The following PRKRIP1 variants were observed in gnomAD, a reference collection of about 807,000 sequenced individuals.
The protein encoded by PRKRIP1 is PRKR interacting protein 1, also known as PRKR-interacting protein 1.
A neutral mutation model predicts 29.3 loss-of-function variants in PRKRIP1; 29 were observed. The observed-to-expected ratio is 0.99, with a 90% CI of 0.74 to 1.35. PRKRIP1 has a LOEUF of 1.35. Among genes scored for constraint, PRKRIP1 ranks in the 40% most tolerant of loss-of-function variants. PRKRIP1 has a pLI of 0.00. For missense variants in PRKRIP1, 247 were observed against 236.8 expected (o/e 1.04, Z -0.28); for synonymous variants, 90 against 85.1 (o/e 1.06, Z -0.32).
At chr7:102,403,606 C>T (rs1796129894) in intron 3 of PRKRIP1, among the ~76,000 whole-genome samples, 1 of 152,192 alleles carries the variant, frequency 6.6e-6, no homozygotes, top group Non-Finnish European at 1.5e-5. Flanking sequence ...AAGTGATTCT[C>T]CTGTCTCAGC....
In PRKRIP1 at chr7:102,425,653, T is replaced by G. The variant is rs1175554587; in HGVS notation, c.*542T>G. On this transcript the variant is annotated 3_prime_UTR_variant, in exon 6 of 6. Coordinates refer to ENST00000397912, the MANE Select transcript of PRKRIP1 (RefSeq NM_024653.4). ...CACGCCATAGAGGGTCTGCTCCCAC[T>G]GCAGCTCCCGGTGCTCTCGTGTTCT... is the stretch of plus-strand genomic sequence containing the variant. 1 of 201,084 alleles carries G rather than the reference T, an allele frequency of 5.0e-6. No individual in the cohort carries two copies. Among genetic ancestry groups the G allele is most frequent in the East Asian group, 1.9e-4 (1 of 5,398 alleles). The allele number at this position is 201,084 out of a possible 1,614,324, so 12.5% of individuals were successfully genotyped here.
chr7:102,411,275 T>C (rs1796374627), intron 5 of PRKRIP1, among the ~76,000 whole-genome samples: 1 of 152,308 alleles, frequency 6.6e-6, no homozygotes, highest in South Asian at 2.1e-4. Context: ...TGTTTTGAAC[T>C]CTTAAGCTCA....
At chr7:102,399,754 T>A in intron 3 of PRKRIP1, 106 bp downstream of exon 3, 1 of 848,686 alleles carries the variant, frequency 1.2e-6, no homozygotes, top group Non-Finnish European at 1.9e-6. Flanking sequence ...CTCAGGCCTG[T>A]AATCCCAGCA....
intron 2 of PRKRIP1, among the ~76,000 whole-genome samples, chr7:102,398,216 T>C (rs1031307602): frequency 6.6e-6 from 1 of 152,198 alleles, no homozygotes; most frequent in Non-Finnish European, 1.5e-5. Context: ...TTAAGGGCTA[T>C]AGTTGCTTAT....
At chr7:102,397,168 G>A (rs765069451) in intron 1 of PRKRIP1, among the ~76,000 whole-genome samples, 6 of 152,128 alleles carry the variant, frequency 3.9e-5, no homozygotes, top group Non-Finnish European at 7.3e-5. Context: ...CCACGACAGA[G>A]GGAAGAACAC....
intron 5 of PRKRIP1, chr7:102,423,317 T>C (rs1448191138): frequency 3.1e-5 from 12 of 384,214 alleles, no homozygotes; most frequent in African/African-American, 1.9e-4. Flanking sequence ...GTTTCCCCCA[T>C]GTTGGTCAGG....
rs567585990 is a variant in PRKRIP1 at position 102,409,277 on chromosome 7, C to G, written c.457+1779C>G. On this transcript the variant is annotated intron_variant, in intron 5 of 5. Transcript: ENST00000397912. ...CATCGGATATGGTTTTAGGTTGTTT[C>G]TCACCCTTTCCTAGAAGAAATTATT... Among the ~76,000 whole-genome samples, 17 of 152,314 alleles carry G rather than the reference C, an allele frequency of 1.1e-4. No homozygotes were observed. The South Asian group carries it at 3.5e-3, about 32-fold the overall frequency.
chr7:102,405,184 C>G (rs1005391370), intron 4 of PRKRIP1, among the ~76,000 whole-genome samples: 1 of 152,174 alleles, frequency 6.6e-6, no homozygotes, highest in Admixed American at 6.5e-5. Flanking sequence ...GCTTCGGCCT[C>G]CCAAAGTGCT....
chr7:102,405,877 A>G (rs781964993), intron 4 of PRKRIP1: 8 of 303,208 alleles, frequency 2.6e-5, no homozygotes, highest in South Asian at 1.7e-4. Context: ...GTTTATTTCT[A>G]TAACGTAAAA....
At chr7:102,402,158 T>A (rs1225364384) in intron 3 of PRKRIP1, among the ~76,000 whole-genome samples, 1 of 152,102 alleles carries the variant, frequency 6.6e-6, no homozygotes, top group Non-Finnish European at 1.5e-5. Flanking sequence ...ATAGAAACCA[T>A]CAAGCTGGGT....
intron 2 of PRKRIP1, 107 bp downstream of exon 2, chr7:102,397,805 G>C: frequency 1.0e-6 from 1 of 992,352 alleles, no homozygotes; most frequent in Non-Finnish European, 1.5e-6. Context: ...CAGCACTTTG[G>C]GAGGCCGAGG....
Position 102,425,180 on chromosome 7 carries a change from G to A in PRKRIP1, c.*69G>A. The A allele has an allele frequency of 6.4e-7, 1 of 1,551,694 alleles. No homozygotes were observed. ...GACCAGAAGGGAAAGGCGGCTGTTT[G>A]GCTCTTTCTCCCCCGCAAGGACCCG... On this transcript the variant is annotated 3_prime_UTR_variant, in exon 6 of 6. Transcript: ENST00000397912.
chr7:102,422,298 C>T (rs1428779121), intron 5 of PRKRIP1, among the ~76,000 whole-genome samples: 1 of 151,532 alleles, frequency 6.6e-6, no homozygotes, highest in Non-Finnish European at 1.5e-5. Flanking sequence ...CTTCAGCCTC[C>T]CAATTAGCTG....
intron 2 of PRKRIP1, 123 bp from the exon 3 acceptor site, chr7:102,399,425 G>A (rs1322326167): frequency 2.8e-6 from 2 of 725,978 alleles, no homozygotes; most frequent in East Asian, 5.0e-5. Flanking sequence ...ATACAGTGGG[G>A]AGAAAGGAAG....
chr7:102,411,727 A>G (rs971567943), intron 5 of PRKRIP1, among the ~76,000 whole-genome samples: 20 of 151,216 alleles, frequency 1.3e-4, no homozygotes, highest in African/African-American at 4.9e-4. Context: ...ATACTTTTCC[A>G]TAGTAACTGA....
chr7:102,417,008 A>G (rs1340536328), intron 5 of PRKRIP1, among the ~76,000 whole-genome samples: 1 of 151,902 alleles, frequency 6.6e-6, no homozygotes, highest in East Asian at 1.9e-4. Context: ...GGCACCCACC[A>G]CCACTCCCGG....
rs1796802917 is a variant in PRKRIP1 at position 102,425,235 on chromosome 7, C to T, written c.*124C>T. The T allele has an allele frequency of 6.6e-7, 1 of 1,520,042 alleles. No individual in the cohort carries two copies. The highest frequency in any genetic ancestry group is 8.8e-7 in the Non-Finnish European group (1 of 1,138,726). The allele number at this position is 1,520,042 out of a possible 1,614,324, so 94.2% of individuals were successfully genotyped here. A position where few individuals can be genotyped will look rare whatever the true frequency, so the allele number is the denominator to read the frequency against. ...CCCGCTGGATGGAGAGCAAAGGAGA[C>T]CCCTCCCGAGCCGCTCACAGTCCTG... On this transcript the variant is annotated 3_prime_UTR_variant, in exon 6 of 6. Transcript: ENST00000397912.
chr7:102,396,375 C>T lies in PRKRIP1; in HGVS notation c.-37C>T, dbSNP rs1795893663. The T allele has an allele frequency of 2.0e-6, 3 of 1,492,392 alleles. No homozygotes were observed. In the South Asian group the frequency reaches 3.8e-5, roughly 19 times the overall value. The allele number at this position is 1,492,392 out of a possible 1,614,324, so 92.4% of individuals were successfully genotyped here. A position where few individuals can be genotyped will look rare whatever the true frequency, so the allele number is the denominator to read the frequency against. On this transcript the variant is annotated 5_prime_UTR_variant, in exon 1 of 6. Transcript: ENST00000397912. ...CGGCTGTGTCGTCATACTTGCGCGC[C>T]GACGCCGCCGCTCGCTTGTGAAACT...
intron 5 of PRKRIP1, chr7:102,422,912 G>A (rs545530083): frequency 1.6e-5 from 3 of 182,874 alleles, no homozygotes; most frequent in Admixed American, 8.5e-5. Flanking sequence ...ATATTCCAAA[G>A]TCTGGAAACA....
Sources: gnomAD v4.1 joint callset for allele counts (sites outside exome capture counted in the v4.1 genomes callset) on GRCh38, gnomAD v4.1.1 for gene constraint, MANE v1.5 for transcripts, NCBI Gene and HGNC (gene_info 2026-07-23, HGNC 2026-07-21) for gene names.